ZNF208: variants seen among roughly 807,000 people sequenced by gnomAD.
ZNF208 encodes the protein zinc finger protein 95.
ZNF208 carries 10 observed loss-of-function variants against 12.1 expected under a neutral mutation model. The ratio of observed to expected loss-of-function variants is 0.83; its 90% CI spans 0.51 to 1.40. ZNF208 has a LOEUF of 1.40. ZNF208 is among the 40% of genes most tolerant of loss of function. The probability of loss-of-function intolerance (pLI) is 0.00; values close to 1 mark genes in which losing one functional copy is unlikely to be tolerated. For missense variants in ZNF208, 1,652 were observed against 1,485.0 expected, an observed-to-expected ratio of 1.11 and a Z score of -1.85; for synonymous variants, 497 against 488.4, an observed-to-expected ratio of 1.02 and a Z score of -0.23.
At chr19:21,948,183 T>C (rs1325762510) in intron 4 of ZNF208, among the ~76,000 whole-genome samples, 1 of 152,172 alleles carries the variant, frequency 6.6e-6, no homozygotes, top group Non-Finnish European at 1.5e-5. Context: ...TCTAGTGCAT[T>C]CTGAAACACT....
Position 21,970,758 on chromosome 19 carries a change from A to T in ZNF208, c.*433T>A. On this transcript the variant is annotated 3_prime_UTR_variant, in exon 4 of 4. Transcript: ENST00000397126. Reference sequence around the variant, plus strand: ...TGGGAACTGTTTAAAAGCTTTGCCAAATTCTTCACATTTTTAGAATTTCTC... The same window carrying T: ...TGGGAACTGTTTAAAAGCTTTGCCATATTCTTCACATTTTTAGAATTTCTC... 7.3e-7 allele frequency: 1 copy of T among 1,378,950 alleles called. No homozygotes were observed. Among genetic ancestry groups the T allele is most frequent in the Non-Finnish European group, 1.0e-6 (1 of 973,656 alleles). 85.4% of individuals were successfully genotyped at this position (1,378,950 alleles called of 1,614,324 possible). A position where few individuals can be genotyped will look rare whatever the true frequency, so the allele number is the denominator to read the frequency against.
intron 3 of ZNF208, among the ~76,000 whole-genome samples, chr19:21,976,457 AG>A (rs112474615): frequency 0.034 from 5,171 of 152,326 alleles, 301 homozygotes; most frequent in African/African-American, 0.12. Flanking sequence ...ACAAGATGCA[AG>A]AATCAAATAG....
At chr19:21,993,551 T>G (rs1169806603) in intron 1 of ZNF208, among the ~76,000 whole-genome samples, 3 of 152,078 alleles carry the variant, frequency 2.0e-5, no homozygotes, top group African/African-American at 7.2e-5. Flanking sequence ...CAAGCTCTAA[T>G]GAGCTTATAA....
At position 21,974,370 on chromosome 19, in the gene ZNF208, C is replaced by T. The variant is rs61748335; in HGVS notation, c.664G>A (p.Ala222Thr). ...WSSTLTYYKS[A>T]HTGEKPYRCK... ...CTGTAGGGTTTCTCTCCAGTATGAG[C>T]ACTCTTATAATAAGTAAGGGTTGAG... is the stretch of plus-strand genomic sequence containing the variant. The change falls in exon 4 of 4, where the codon GCT (alanine) becomes ACT (threonine). Residue 222 changes from alanine to threonine, a missense_variant. Physicochemically the swap from Ala to Thr is moderately conservative, Grantham distance 58. Coordinates refer to ENST00000397126, the MANE Select transcript of ZNF208 (RefSeq NM_007153.3). The T allele has an allele frequency of 2.0e-5, 33 of 1,613,364 alleles. No homozygotes were observed. Among genetic ancestry groups the T allele is most frequent in the Non-Finnish European group, 2.5e-5 (30 of 1,179,718 alleles).
chr19:21,958,241 G>A (rs1345889590), intron 4 of ZNF208, among the ~76,000 whole-genome samples: 1 of 151,740 alleles, frequency 6.6e-6, no homozygotes, highest in Non-Finnish European at 1.5e-5. Flanking sequence ...TGAACTTCTA[G>A]TCTCATTCAT....
chr19:21,977,329 C>T (rs769076828), intron 3 of ZNF208, among the ~76,000 whole-genome samples: 9 of 150,662 alleles, frequency 6.0e-5, no homozygotes, highest in South Asian at 2.1e-4. Context: ...GCTCCCAGCG[C>T]GATCGACACA....
intron 3 of ZNF208, among the ~76,000 whole-genome samples, chr19:21,984,544 T>C (rs1336769587): frequency 6.6e-6 from 1 of 152,022 alleles, no homozygotes; most frequent in East Asian, 1.9e-4. Context: ...AGAGTAAGAC[T>C]CTGTCTCAAA....
intron 4 of ZNF208, among the ~76,000 whole-genome samples, chr19:21,951,807 G>A (rs746852566): frequency 6.6e-6 from 1 of 152,210 alleles, no homozygotes; most frequent in Non-Finnish European, 1.5e-5. Context: ...TGGACAGTGG[G>A]TTCAGCCCAT....
intron 1 of ZNF208, among the ~76,000 whole-genome samples, chr19:22,005,733 C>T (rs904242037): frequency 1.4e-4 from 21 of 152,146 alleles, no homozygotes; most frequent in African/African-American, 4.8e-4. Context: ...CAGCAGAACA[C>T]TAGTTATACT....
rs758695146 is a variant in ZNF208 at position 21,971,757 on chromosome 19, C to T, written c.3277G>A (p.Ala1093Thr). Reference protein sequence around the residue: ...EPYKCEECGKAFNWSSNLMEH... With the variant: ...EPYKCEECGKTFNWSSNLMEH... ...ATAAGGTTTGAGGACCAGTTGAAAG[C>T]TTTGCCACATTCTTCACATTTGTAG... Residue 1093 changes from alanine to threonine, a missense_variant, in exon 4 of 4, where the codon GCT becomes ACT. By Grantham distance (58) the Ala-to-Thr change is moderately conservative. This residue lies in a region of ZNF208 where 1,239 missense variants were observed against 1,086.2 expected (regional missense o/e 1.14). Coordinates refer to ENST00000397126, the MANE Select transcript of ZNF208 (RefSeq NM_007153.3). 4 of 1,613,776 alleles carry T rather than the reference C, an allele frequency of 2.5e-6. No individual in the cohort carries two copies. The highest frequency in any genetic ancestry group is 1.7e-5 in the Admixed American group (1 of 59,942).
chr19:21,998,541 T>G (rs1356656791), intron 1 of ZNF208: 1 of 152,536 alleles, frequency 6.6e-6, no homozygotes, highest in East Asian at 1.9e-4. Context: ...GTTCAAGCAA[T>G]TCTCCTGTCT....
intron 4 of ZNF208, among the ~76,000 whole-genome samples, chr19:21,958,177 C>CA (rs34068762): frequency 0.37 from 54,627 of 149,048 alleles, 10,070 homozygotes; most frequent in East Asian, 0.5. Flanking sequence ...TAGTTTCTAA[C>CA]AAAAAAAAAA....
rs1420387345 is a variant in ZNF208, at chr19:21,969,987, T to C, written c.*1204A>G. Among the ~76,000 whole-genome samples the C allele has an allele frequency of 2.0e-5, 3 of 152,164 alleles. No homozygotes were observed. The highest frequency in any genetic ancestry group is 7.2e-5 in the African/African-American group (3 of 41,440). On this transcript the variant is annotated 3_prime_UTR_variant, in exon 4 of 4. Transcript: ENST00000397126. ...TTCCTTTGCAATAAGGCATGAGCAC[T>C]GGTTAAATGTTTGTCACATTGTTTA...
At chr19:22,002,070 T>A (rs1191490687) in intron 1 of ZNF208, among the ~76,000 whole-genome samples, 6 of 152,062 alleles carry the variant, frequency 3.9e-5, no homozygotes, top group Non-Finnish European at 7.4e-5. Context: ...ATGTGATTCA[T>A]CACATAAACA....
intron 1 of ZNF208, among the ~76,000 whole-genome samples, chr19:21,990,750 C>A (rs1195208269): frequency 6.6e-6 from 1 of 152,066 alleles, no homozygotes; most frequent in Non-Finnish European, 1.5e-5. Context: ...ATGGAATGTT[C>A]TTCCATTTGT....
intron 1 of ZNF208, among the ~76,000 whole-genome samples, chr19:22,001,485 T>G (rs907302639): frequency 2.3e-4 from 35 of 151,880 alleles, no homozygotes; most frequent in African/African-American, 7.7e-4. Context: ...AAGAAGAAAC[T>G]CCTCTCCAAC....
At chr19:21,950,121 AT>A (rs755034147) in intron 4 of ZNF208, among the ~76,000 whole-genome samples, 59 of 152,346 alleles carry the variant, frequency 3.9e-4, no homozygotes, top group Non-Finnish European at 6.9e-4. Context: ...TTAAATAAAC[AT>A]TTTTAAAGTG....
In ZNF208 at chr19:21,991,263, A is replaced by AT. The variant is rs1293382229; in HGVS notation, c.4-2355dup. Among the ~76,000 whole-genome samples the AT allele has an allele frequency of 5.9e-5, 9 of 152,254 alleles. No individual in the cohort carries two copies. In the East Asian group the frequency reaches 1.4e-3, roughly 23 times the overall value. ...GAGTTTGTCATAGATAGCTCTTATT[A>AT]TTTTGAGATGCATCCCATCAATACC... On this transcript the variant is annotated intron_variant, in intron 1 of 3. Transcript: ENST00000397126.
Position 21,974,773 on chromosome 19 carries a change from T to C in ZNF208, c.261A>G (p.Pro87=). Residue 87 remains proline (P), a synonymous_variant, in exon 4 of 4, where the codon CCA becomes CCG. Coordinates refer to ENST00000397126, the MANE Select transcript of ZNF208 (RefSeq NM_007153.3). ...GGAAAGAATCTTCTATGCCCTGCTC[T>C]GGCCAAAGATCTTGAGCAAAATGAG... The part of the protein sequence containing the change: ...ICSHFAQDLW[P]EQGIEDSFQK... The C allele has an allele frequency of 1.3e-6, 2 of 1,577,732 alleles. No homozygotes were observed. Among genetic ancestry groups the C allele is most frequent in the Non-Finnish European group, 1.7e-6 (2 of 1,165,478 alleles).
Sources: allele counts gnomAD v4.1 joint callset (sites outside exome capture counted in the v4.1 genomes callset), GRCh38; gene constraint gnomAD v4.1.1; regional missense constraint gnomAD v4.1.1; transcripts MANE v1.5; gene names NCBI Gene and HGNC (gene_info 2026-07-23, HGNC 2026-07-21).